RBFOX2: variants seen among roughly 807,000 people sequenced by gnomAD.
RBFOX2 encodes RNA binding protein fox-1 homolog 2.
RBFOX2 carries 10 observed loss-of-function variants against 49.1 expected under a neutral mutation model. That is an observed-to-expected ratio of 0.20 (90% confidence interval 0.13 to 0.35). The LOEUF (loss-of-function observed/expected upper bound fraction) is 0.35, where lower values mean the gene tolerates loss of function less well. Among genes scored for constraint, RBFOX2 ranks in the 10% least tolerant of loss-of-function variants. The probability of loss-of-function intolerance (pLI) is 1.00; values close to 1 mark genes in which losing one functional copy is unlikely to be tolerated. For missense variants in RBFOX2, 323 were observed against 486.9 expected, an observed-to-expected ratio of 0.66 and a Z score of 3.17; for synonymous variants, 183 against 187.4, an observed-to-expected ratio of 0.98 and a Z score of 0.19.
intron 1 of RBFOX2, among the ~76,000 whole-genome samples, chr22:36,012,418 C>A (rs915035296): frequency 6.6e-6 from 1 of 152,020 alleles, no homozygotes; most frequent in African/African-American, 2.4e-5. Context: ...TAAATAAGGG[C>A]CTGCACGAAA....
At chr22:35,934,114 T>A (rs1603450569) in intron 1 of RBFOX2, among the ~76,000 whole-genome samples, 1 of 151,296 alleles carries the variant, frequency 6.6e-6, no homozygotes, top group South Asian at 2.1e-4. Flanking sequence ...CAAATCTAGA[T>A]AGACAGTTTC....
intron 1 of RBFOX2, among the ~76,000 whole-genome samples, chr22:35,967,789 C>T (rs958028830): frequency 3.3e-5 from 5 of 152,154 alleles, no homozygotes; most frequent in East Asian, 1.9e-4. Flanking sequence ...GTTTCCAGTA[C>T]ACACATCTAA....
intron 2 of RBFOX2, among the ~76,000 whole-genome samples, chr22:35,808,710 C>A (rs910614629): frequency 6.6e-6 from 1 of 151,654 alleles, no homozygotes; most frequent in Admixed American, 6.6e-5. Context: ...ATGAGCTGGG[C>A]GTGGGGTGTG....
At chr22:35,878,039 T>TACACACACACAC (rs58181557) in intron 1 of RBFOX2, among the ~76,000 whole-genome samples, 6 of 141,178 alleles carry the variant, frequency 4.2e-5, no homozygotes, top group Non-Finnish European at 6.2e-5. Flanking sequence ...CTACTACTAC[T>TACACACACACAC]ACACACACAC....
intron 1 of RBFOX2, among the ~76,000 whole-genome samples, chr22:35,848,009 A>C (rs1002103749): frequency 2.6e-5 from 4 of 152,172 alleles, no homozygotes; most frequent in Admixed American, 1.3e-4. Flanking sequence ...AAAAAATTCA[A>C]TTACATACTG....
chr22:35,977,640 T>C (rs973896804), intron 1 of RBFOX2, among the ~76,000 whole-genome samples: 2 of 150,574 alleles, frequency 1.3e-5, no homozygotes, highest in African/African-American at 2.4e-5. Context: ...TGGTTACATG[T>C]CTATATTACA....
chr22:36,015,818 C>A (rs1454762755), intron 1 of RBFOX2, among the ~76,000 whole-genome samples: 1 of 152,064 alleles, frequency 6.6e-6, no homozygotes, highest in Non-Finnish European at 1.5e-5. Context: ...TATTACTTAC[C>A]CTCCCAAGAA....
At chr22:35,848,234 T>C (rs1257294993) in intron 1 of RBFOX2, among the ~76,000 whole-genome samples, 3 of 152,310 alleles carry the variant, frequency 2.0e-5, no homozygotes, top group South Asian at 4.1e-4. Flanking sequence ...TCTAGTCTCA[T>C]AACACTTCCA....
intron 1 of RBFOX2, among the ~76,000 whole-genome samples, chr22:35,937,994 CCTGGACAAGTAT>C (rs2053290649): frequency 6.6e-6 from 1 of 152,178 alleles, no homozygotes; most frequent in Non-Finnish European, 1.5e-5. Context: ...ACTCATATCT[CCTGGACAAGTAT>C]AACAATGGTA....
chr22:35,973,190 T>C (rs1459552656), intron 1 of RBFOX2, among the ~76,000 whole-genome samples: 1 of 152,240 alleles, frequency 6.6e-6, no homozygotes, highest in Non-Finnish European at 1.5e-5. Context: ...GTCCTCTAAC[T>C]GATGCTTCCT....
At chr22:35,953,019 G>A (rs997281508) in intron 1 of RBFOX2, among the ~76,000 whole-genome samples, 3 of 151,828 alleles carry the variant, frequency 2.0e-5, no homozygotes, top group Non-Finnish European at 2.9e-5. Context: ...AGACCATCCT[G>A]GCTAACACGG....
chr22:35,876,701 A>AACACACACACACACACACACACACAC (rs142455818), intron 1 of RBFOX2, among the ~76,000 whole-genome samples: 1 of 140,458 alleles, frequency 7.1e-6, no homozygotes, highest in Non-Finnish European at 1.6e-5. Flanking sequence ...CATTAAAAGA[A>AACACACACACACACACACACACACAC]ACACACACAC....
intron 1 of RBFOX2, among the ~76,000 whole-genome samples, chr22:35,890,280 C>G (rs900709400): frequency 2.6e-5 from 4 of 152,126 alleles, no homozygotes; most frequent in Admixed American, 2.6e-4. Flanking sequence ...AATGCTAGTA[C>G]AGGTAGTGTC....
intron 1 of RBFOX2, among the ~76,000 whole-genome samples, chr22:35,978,891 A>C (rs1030982207): frequency 6.6e-6 from 1 of 152,240 alleles, no homozygotes; most frequent in African/African-American, 2.4e-5. Flanking sequence ...AGTAGTCAAT[A>C]GCGCTAAGGA....
At chr22:35,774,137 T>C (rs1469087746) in intron 4 of RBFOX2, among the ~76,000 whole-genome samples, 1 of 152,054 alleles carries the variant, frequency 6.6e-6, no homozygotes, top group African/African-American at 2.4e-5. Context: ...CCAAAGCATA[T>C]ATAAGGAGAG....
At chr22:35,958,806 A>G (rs2055875897) in intron 1 of RBFOX2, among the ~76,000 whole-genome samples, 1 of 152,210 alleles carries the variant, frequency 6.6e-6, no homozygotes, top group Admixed American at 6.5e-5. Flanking sequence ...TCAACTATTA[A>G]GAATTCATAA....
intron 1 of RBFOX2, among the ~76,000 whole-genome samples, chr22:35,849,438 T>A (rs898780987): frequency 2.0e-5 from 3 of 152,016 alleles, no homozygotes; most frequent in Admixed American, 1.3e-4. Context: ...TACAGTAAAT[T>A]AGCAAAAAGC....
intron 2 of RBFOX2, among the ~76,000 whole-genome samples, chr22:35,800,204 A>G (rs1024578218): frequency 1.1e-4 from 17 of 152,152 alleles, no homozygotes; most frequent in Middle Eastern, 3.4e-3. Context: ...CAAATCCTCT[A>G]TATTCTACCT....
At chr22:36,002,127 C>G (rs754852393) in intron 1 of RBFOX2, among the ~76,000 whole-genome samples, 1 of 152,044 alleles carries the variant, frequency 6.6e-6, no homozygotes, top group South Asian at 2.1e-4. Flanking sequence ...GCCAAGATAC[C>G]ATTTTTCACT....
Sources: gnomAD v4.1 joint callset for allele counts (sites outside exome capture counted in the v4.1 genomes callset) on GRCh38, gnomAD v4.1.1 for gene constraint, MANE v1.5 for transcripts, NCBI Gene and HGNC (gene_info 2026-07-23, HGNC 2026-07-21) for gene names.